SEMA4D: variants seen among roughly 807,000 people sequenced by gnomAD.
SEMA4D encodes the protein semaphorin-4D.
Under a neutral mutation model 74.8 loss-of-function variants are expected in SEMA4D, and 22 were observed. The observed-to-expected ratio is 0.29, with a 90% CI of 0.21 to 0.42. SEMA4D has a LOEUF of 0.42. Ranked by LOEUF, SEMA4D falls within the 10% of genes least tolerant of loss-of-function variation. The probability of loss-of-function intolerance (pLI) is 1.00; values close to 1 mark genes in which losing one functional copy is unlikely to be tolerated. For synonymous variants in SEMA4D, 445 were observed against 463.7 expected, an observed-to-expected ratio of 0.96 and a Z score of 0.52; for missense variants, 937 against 1,118.4, an observed-to-expected ratio of 0.84 and a Z score of 2.31.
intron 1 of SEMA4D, among the ~76,000 whole-genome samples, chr9:89,458,164 G>T (rs1322229522): frequency 6.6e-6 from 1 of 152,204 alleles, no homozygotes; most frequent in Admixed American, 6.5e-5. Flanking sequence ...CTCCACGGTG[G>T]CCTTACGTAT....
chr9:89,460,040 C>T (rs1856854315), intron 1 of SEMA4D, among the ~76,000 whole-genome samples: 1 of 152,232 alleles, frequency 6.6e-6, no homozygotes, highest in Non-Finnish European at 1.5e-5. Context: ...ATGCCCCCAC[C>T]CACCCAGGAT....
chr9:89,467,755 C>T (rs971545422), intron 1 of SEMA4D, among the ~76,000 whole-genome samples: 9 of 152,176 alleles, frequency 5.9e-5, no homozygotes, highest in Non-Finnish European at 1.2e-4. Context: ...TGGTCTTGAA[C>T]TTCTGACCTT....
At chr9:89,385,948 T>C in intron 13 of SEMA4D, 2 of 981,684 alleles carry the variant, frequency 2.0e-6, no homozygotes, top group Non-Finnish European at 2.4e-6. Context: ...GAGACAGCTT[T>C]ACAGATGAGA....
At chr9:89,480,478 G>A (rs904827274) in intron 1 of SEMA4D, among the ~76,000 whole-genome samples, 2 of 152,228 alleles carry the variant, frequency 1.3e-5, no homozygotes, top group Admixed American at 6.5e-5. Context: ...GGTGGCTCTC[G>A]TCGGGGAGGC....
At chr9:89,443,662 G>A (rs1852183411) in intron 2 of SEMA4D, among the ~76,000 whole-genome samples, 1 of 152,212 alleles carries the variant, frequency 6.6e-6, no homozygotes, top group Admixed American at 6.5e-5. Flanking sequence ...TGGTGGCCAG[G>A]ACCTGGCTGC....
chr9:89,430,233 T>G (rs893145414), intron 2 of SEMA4D, among the ~76,000 whole-genome samples: 1 of 152,156 alleles, frequency 6.6e-6, no homozygotes, highest in Admixed American at 6.6e-5. Flanking sequence ...ACTCTCCCAC[T>G]TGGGGCCAGA....
intron 1 of SEMA4D, among the ~76,000 whole-genome samples, chr9:89,475,255 G>C (rs1264089139): frequency 6.6e-6 from 1 of 152,216 alleles, no homozygotes; most frequent in East Asian, 1.9e-4. Context: ...GTGGGACTGA[G>C]ACCCATGTCC....
downstream of SEMA4D, among the ~76,000 whole-genome samples, chr9:89,373,793 C>T (rs1835432477): frequency 6.6e-6 from 1 of 152,180 alleles, no homozygotes; most frequent in Non-Finnish European, 1.5e-5. Context: ...TCTCCAGGCT[C>T]TGGGCCTCAC....
intron 2 of SEMA4D, among the ~76,000 whole-genome samples, chr9:89,429,810 A>C (rs568841499): frequency 6.6e-6 from 1 of 152,132 alleles, no homozygotes; most frequent in East Asian, 1.9e-4. Context: ...TTTAAAAAGC[A>C]GCACAAGAAA....
At chr9:89,422,332 T>C (rs755232404) in intron 2 of SEMA4D, among the ~76,000 whole-genome samples, 1 of 152,250 alleles carries the variant, frequency 6.6e-6, no homozygotes. Context: ...GAGTCAGATA[T>C]AGACTGTAGA....
At chr9:89,362,657 GAGGC>G (rs1832874450) in intron 18 of SEMA4D, among the ~76,000 whole-genome samples, 1 of 152,234 alleles carries the variant, frequency 6.6e-6, no homozygotes. Context: ...ATTGTGCTGA[GAGGC>G]AGGAGGGCTG....
intron 2 of SEMA4D, among the ~76,000 whole-genome samples, chr9:89,411,632 A>G (rs761942582): frequency 9.1e-4 from 139 of 152,238 alleles, no homozygotes; most frequent in Non-Finnish European, 3.1e-4. Context: ...ACCTGCATTA[A>G]TTACTCTCAT....
chr9:89,465,644 TAC>T (rs1176630164), intron 1 of SEMA4D, among the ~76,000 whole-genome samples: 2 of 152,194 alleles, frequency 1.3e-5, no homozygotes, highest in Admixed American at 6.5e-5. Context: ...AAAAAAATAA[TAC>T]AGAGTAAAAG....
chr9:89,410,526 A>C (rs1844289273), intron 2 of SEMA4D, among the ~76,000 whole-genome samples: 1 of 152,226 alleles, frequency 6.6e-6, no homozygotes, highest in Admixed American at 6.5e-5. Flanking sequence ...GAAAGGCTGG[A>C]AAGTAAACTA....
chr9:89,384,935 G>A (rs1320630486), intron 13 of SEMA4D: 1 of 985,326 alleles, frequency 1.0e-6, no homozygotes, highest in South Asian at 4.7e-5. Flanking sequence ...CGGCAGGCAG[G>A]ATGTATTTCC....
intron 1 of SEMA4D, among the ~76,000 whole-genome samples, chr9:89,458,907 T>C (rs1452200678): frequency 1.4e-5 from 2 of 140,936 alleles, no homozygotes; most frequent in East Asian, 4.3e-4. Context: ...CGCACACTCA[T>C]ATACAGATAT....
intron 1 of SEMA4D, among the ~76,000 whole-genome samples, chr9:89,466,205 G>A (rs1200990738): frequency 3.3e-5 from 5 of 152,164 alleles, no homozygotes; most frequent in Non-Finnish European, 5.9e-5. Context: ...TCAGGCACAC[G>A]AAATGCTCAA....
intron 1 of SEMA4D, among the ~76,000 whole-genome samples, chr9:89,469,241 G>A (rs536202442): frequency 7.9e-5 from 12 of 152,160 alleles, no homozygotes; most frequent in Non-Finnish European, 1.8e-4. Flanking sequence ...AGATGAAATA[G>A]ATACCTGAGC....
intron 6 of SEMA4D, 37 bp downstream of exon 6, chr9:89,396,700 G>A (rs759099435): frequency 3.9e-6 from 6 of 1,547,882 alleles, no homozygotes; most frequent in South Asian, 1.1e-5. Context: ...TGCTGACCAG[G>A]CTGGCGTGAG....
Sources: allele counts gnomAD v4.1 joint callset (sites outside exome capture counted in the v4.1 genomes callset), GRCh38; gene constraint gnomAD v4.1.1; transcripts MANE v1.5; gene names NCBI Gene and HGNC (gene_info 2026-07-23, HGNC 2026-07-21).